Variants in ZNF318 observed in about 807,000 individuals in gnomAD.
ZNF318 encodes endocrine regulator.
A neutral mutation model predicts 124.2 loss-of-function variants in ZNF318; 51 were observed. That is an observed-to-expected ratio of 0.41 (90% CI 0.33 to 0.52). The LOEUF is 0.52. ZNF318 is among the 20% of genes least tolerant of loss of function. ZNF318 has a pLI of 0.23. For missense variants in ZNF318, 2,815 were observed against 2,811.2 expected, an observed-to-expected ratio of 1.00 and a Z score of -0.03; for synonymous variants, 1,090 against 1,040.7, an observed-to-expected ratio of 1.05 and a Z score of -0.91.
intron 2 of ZNF318, among the ~76,000 whole-genome samples, chr6:43,364,575 A>G (rs1432789875): frequency 6.6e-6 from 1 of 152,222 alleles, no homozygotes. Context: ...AGACCATAAC[A>G]GTCATGGTCT....
rs765911329 is a variant in ZNF318 at position 43,338,277 on chromosome 6, A to C, written c.5721T>G (p.Ser1907Arg). Residue 1907 changes from serine to arginine, a missense_variant, in exon 10 of 10, where the codon AGT (serine) becomes AGG (arginine). Around this residue, in one of 4 missense-constraint regions of ZNF318, gnomAD observed 927 missense variants for 820.6 expected, o/e 1.13. Transcript: ENST00000361428. ...PARSAMCLTG[S>R]PQEQGVSVVS... ...CAACTGAAACTCCTTGCTCTTGTGG[A>C]CTACCTGTTAAACACATAGCTGATC... 1.9e-6 allele frequency: 3 copies of C among 1,614,160 alleles called. No individual in the cohort carries two copies. The highest frequency in any genetic ancestry group is 1.7e-5 in the Admixed American group (1 of 60,014).
intron 2 of ZNF318, chr6:43,363,595 T>C: frequency 8.2e-6 from 3 of 364,068 alleles, no homozygotes; most frequent in Non-Finnish European, 1.0e-5. Context: ...GGATAAGGAG[T>C]GGATGCCTGT....
Position 43,369,495 on chromosome 6 carries a change from G to T in ZNF318, c.-130C>A, listed in dbSNP as rs1165633435. The T allele has an allele frequency of 7.0e-6, 5 of 714,340 alleles. No individual in the cohort carries two copies. Among genetic ancestry groups the T allele is most frequent in the African/African-American group, 3.9e-5 (2 of 51,914 alleles). 44.3% of individuals were successfully genotyped at this position (714,340 alleles called of 1,614,324 possible). ...GCGCGCCGCCTCAGCCGCGGGAGCAGCCCCCTCCCCTCGGCCCCGCGTCGC... is the reference window on the plus strand; with the variant it reads ...GCGCGCCGCCTCAGCCGCGGGAGCATCCCCCTCCCCTCGGCCCCGCGTCGC... On this transcript the variant is annotated 5_prime_UTR_variant, in exon 1 of 10. It adds an upstream start codon to the 5' untranslated region. Coordinates refer to ENST00000361428, the MANE Select transcript of ZNF318 (RefSeq NM_014345.3).
At position 43,369,249 on chromosome 6, in the gene ZNF318, G is replaced by T; in HGVS notation, c.117C>A (p.Ser39Arg). 2 of 1,254,072 alleles carry T rather than the reference G, an allele frequency of 1.6e-6. No individual in the cohort carries two copies. Among genetic ancestry groups the T allele is most frequent in the Non-Finnish European group, 2.0e-6 (2 of 998,726 alleles). The allele number at this position is 1,254,072 out of a possible 1,614,324, so 77.7% of individuals were successfully genotyped here. A position where few individuals can be genotyped will look rare whatever the true frequency, so the allele number is the denominator to read the frequency against. Reference protein sequence around the residue: ...SGSSSGPARRSSPPPPPSGSS... With the variant: ...SGSSSGPARRRSPPPPPSGSS... The stretch of plus-strand genomic sequence containing the variant: ...AGCCGGAGGGCGGAGGCGGCGGTGA[G>T]CTGCGGCGAGCCGGGCCTGAGGAGG... Residue 39 changes from serine (S) to arginine (R), a missense_variant, in exon 1 of 10, where the codon AGC (serine) becomes AGA (arginine). Physicochemically the swap from Ser to Arg is moderately radical, Grantham distance 110. Around this residue, in one of 4 missense-constraint regions of ZNF318, gnomAD observed 1,377 missense variants for 1,353.5 expected, o/e 1.02. Coordinates refer to ENST00000361428, the MANE Select transcript of ZNF318 (RefSeq NM_014345.3).
At chr6:43,346,280 A>C (rs1403231090) in intron 6 of ZNF318, among the ~76,000 whole-genome samples, 1 of 151,246 alleles carries the variant, frequency 6.6e-6, no homozygotes, top group Admixed American at 6.6e-5. Context: ...CAGGAGTTTG[A>C]GACCAGCCTG....
Position 43,355,905 on chromosome 6 carries a change from T to C in ZNF318, c.1429A>G (p.Lys477Glu). 1 of 1,614,182 alleles carries C rather than the reference T, an allele frequency of 6.2e-7. No individual in the cohort carries two copies. The highest frequency in any genetic ancestry group is 8.5e-7 in the Non-Finnish European group (1 of 1,180,032). ...REKFGSFLCHKDNLDLKAEGP... is the reference protein window; with the variant it reads ...REKFGSFLCHEDNLDLKAEGP... ...TCAGCCTTCAAATCCAAATTATCCTTGTGGCATAGAAAACTTCCAAATTTT... is the reference window on the plus strand; with the variant it reads ...TCAGCCTTCAAATCCAAATTATCCTCGTGGCATAGAAAACTTCCAAATTTT... The change falls in exon 4 of 10, where the codon AAG (lysine) becomes GAG (glutamate). Residue 477 changes from lysine (K) to glutamate (E), a missense_variant. Lys to Glu is a moderately conservative substitution (Grantham distance 56). Coordinates refer to ENST00000361428, the MANE Select transcript of ZNF318 (RefSeq NM_014345.3).
In ZNF318 at chr6:43,339,153, A is replaced by C. The variant is rs1779334293; in HGVS notation, c.4845T>G (p.Thr1615=). ...GGGATGCACTGCTGTTCAAAGGAGAAGTAGAAGAGGTGTCTGAACTTTTGG... is the reference window on the plus strand; with the variant it reads ...GGGATGCACTGCTGTTCAAAGGAGACGTAGAAGAGGTGTCTGAACTTTTGG... ...SRTKSSDTSS[T]SPLNSSASQE... is the part of the protein sequence containing the mutation. Residue 1615 remains threonine (T), a synonymous_variant, in exon 10 of 10, where the codon ACT becomes ACG. Coordinates refer to ENST00000361428, the MANE Select transcript of ZNF318 (RefSeq NM_014345.3). The surrounding 1 kb of genome is among the most constrained non-coding windows in gnomAD (Gnocchi z 4.2). The C allele has an allele frequency of 1.9e-6, 3 of 1,614,200 alleles. No individual in the cohort carries two copies. The Admixed American group carries it at 5.0e-5, about 27-fold the overall frequency.
chr6:43,367,499 CAGG>C, intron 1 of ZNF318, among the ~76,000 whole-genome samples: 1 of 152,244 alleles, frequency 6.6e-6, no homozygotes, highest in South Asian at 2.1e-4. Context: ...AGAGTGATGG[CAGG>C]AGGATGGCAG....
rs1779805356 is a variant in ZNF318, at chr6:43,369,284, T to C, written c.82A>G (p.Ser28Gly). The change falls in exon 1 of 10, where the codon AGC becomes GGC. Residue 28 changes from serine (S) to glycine (G), a missense_variant. Physicochemically the swap from Ser to Gly is moderately conservative, Grantham distance 56. Transcript: ENST00000361428. The stretch of plus-strand genomic sequence containing the variant: ...GCCGGGCCTGAGGAGGAGCCAGAGC[T>C]GCGGCCGCTGCGCGGGCCGCCCCCG... The part of the protein sequence containing the change: ...DGGGGPRSGR[S>G]SGSSSGPARR... 1.5e-6 allele frequency: 2 copies of C among 1,333,138 alleles called. No individual in the cohort carries two copies. The highest frequency in any genetic ancestry group is 1.6e-5 in the South Asian group (1 of 60,986). The allele number at this position is 1,333,138 out of a possible 1,614,324, so 82.6% of individuals were successfully genotyped here. A position where few individuals can be genotyped will look rare whatever the true frequency, so the allele number is the denominator to read the frequency against.
intron 5 of ZNF318, 118 bp downstream of exon 5, chr6:43,352,259 T>TTCTTTTCACTATTATTGCAAC: frequency 2.7e-6 from 1 of 370,278 alleles, no homozygotes. Context: ...GTAAGTTTAA[T>TTCTTTTCACTATTATTGCAAC]TACGTCAAAA....
At chr6:43,343,650 G>A (rs1237826388) in intron 6 of ZNF318, among the ~76,000 whole-genome samples, 1 of 151,870 alleles carries the variant, frequency 6.6e-6, no homozygotes, top group Non-Finnish European at 1.5e-5. Flanking sequence ...CCAACATGGT[G>A]AAACCCCATC....
chr6:43,339,092 C>T lies in ZNF318; in HGVS notation c.4906G>A (p.Ala1636Thr). The T allele has an allele frequency of 6.2e-7, 1 of 1,614,162 alleles. No individual in the cohort carries two copies. The highest frequency in any genetic ancestry group is 8.5e-7 in the Non-Finnish European group (1 of 1,180,042). ...ELHQDEGLVAAPIVSNSEKPI... is the reference protein window; with the variant it reads ...ELHQDEGLVATPIVSNSEKPI... ...TTTTCAGAGTTGCTAACTATAGGAG[C>T]AGCGACCAAACCCTCATCTTGATGC... Residue 1636 changes from alanine to threonine, a missense_variant, in exon 10 of 10, where the codon GCT becomes ACT. By Grantham distance (58) the Ala-to-Thr change is moderately conservative. This residue lies in a region of ZNF318 where 927 missense variants were observed against 820.6 expected (regional missense o/e 1.13). Coordinates refer to ENST00000361428, the MANE Select transcript of ZNF318 (RefSeq NM_014345.3). This position sits in a 1 kb window ranked among gnomAD's most constrained non-coding sequence, Gnocchi z 4.2.
chr6:43,363,710 G>A, intron 2 of ZNF318: 1 of 552,196 alleles, frequency 1.8e-6, no homozygotes, highest in South Asian at 2.3e-5. Context: ...TTTTTCCTGG[G>A]GGCCTCTCTC....
intron 1 of ZNF318, among the ~76,000 whole-genome samples, chr6:43,368,249 C>G (rs1779787682): frequency 6.6e-6 from 1 of 152,208 alleles, no homozygotes; most frequent in Non-Finnish European, 1.5e-5. Context: ...ACAGCTCCAC[C>G]ACTTAGCCGT....
At chr6:43,346,605 AATT>A (rs1779450803) in intron 6 of ZNF318, among the ~76,000 whole-genome samples, 1 of 151,996 alleles carries the variant, frequency 6.6e-6, no homozygotes, top group Admixed American at 6.6e-5. Context: ...CAACGAAATA[AATT>A]TTACAAAGAA....
chr6:43,340,632 C>T, intron 9 of ZNF318, 130 bp from the exon 10 acceptor site: 5 of 1,506,310 alleles, frequency 3.3e-6, no homozygotes, highest in Non-Finnish European at 4.4e-6. Flanking sequence ...ATACGGGATG[C>T]TATCTGCTGA....
intron 6 of ZNF318, among the ~76,000 whole-genome samples, chr6:43,347,554 A>G (rs1779464137): frequency 6.6e-6 from 1 of 152,238 alleles, no homozygotes; most frequent in Non-Finnish European, 1.5e-5. Flanking sequence ...AGAATGCATA[A>G]CAATGGAGAA....
In ZNF318 at chr6:43,337,926, G is replaced by T; in HGVS notation, c.6072C>A (p.Phe2024Leu). The T allele has an allele frequency of 6.2e-7, 1 of 1,614,220 alleles. No individual in the cohort carries two copies. The highest frequency in any genetic ancestry group is 8.5e-7 in the Non-Finnish European group (1 of 1,180,040). Residue 2024 changes from phenylalanine to leucine, a missense_variant, in exon 10 of 10, where the codon TTC becomes TTA. This residue lies in a region of ZNF318 where 927 missense variants were observed against 820.6 expected (regional missense o/e 1.13). Transcript: ENST00000361428. ...LGNLGDMPVDFCTTRVSPAHR... is the reference protein window; with the variant it reads ...LGNLGDMPVDLCTTRVSPAHR... ...GTGCTGGGCTTACCCGAGTAGTGCA[G>T]AAATCAACAGGCATATCCCCCAGAT...
rs760087287 is a variant in ZNF318, at chr6:43,365,428, C to G, written c.412G>C (p.Gly138Arg). Residue 138 changes from glycine to arginine, a missense_variant, in exon 2 of 10, where the codon GGT becomes CGT. Physicochemically the swap from Gly to Arg is moderately radical, Grantham distance 125 (BLOSUM62 -2). Transcript: ENST00000361428. Reference protein sequence around the residue: ...GDSGSRRRSPGLCSDSLEKSL... With the variant: ...GDSGSRRRSPRLCSDSLEKSL... ...TTTTCCAAAGAGTCAGAACACAGAC[C>G]AGGAGAGCGTCTCTACAAAAGTAAA... 1.2e-6 allele frequency: 2 copies of G among 1,613,662 alleles called. No individual in the cohort carries two copies. Among genetic ancestry groups the G allele is most frequent in the Admixed American group, 3.3e-5 (2 of 60,010 alleles).
Sources: gnomAD v4.1 joint callset for allele counts (sites outside exome capture counted in the v4.1 genomes callset) on GRCh38, gnomAD v4.1.1 for gene constraint, gnomAD v4.1.1 regional missense constraint, Gnocchi (gnomAD v3.1) non-coding constraint, MANE v1.5 for transcripts, NCBI Gene and HGNC (gene_info 2026-07-23, HGNC 2026-07-21) for gene names.